The following ATP9B variants were observed in gnomAD, a reference collection of about 807,000 sequenced individuals.
ATP9B encodes the protein ATPase phospholipid transporting 9B.
Under a neutral mutation model 146.1 loss-of-function variants are expected in ATP9B, and 110 were observed. The observed-to-expected ratio is 0.75, with a 90% confidence interval of 0.65 to 0.88. ATP9B has a LOEUF of 0.88. Among genes scored for constraint, ATP9B ranks in the 40% least tolerant of loss-of-function variants. The pLI, the probability that ATP9B is intolerant of heterozygous loss-of-function variation, is 0.00. For missense variants in ATP9B, 1,499 were observed against 1,496.4 expected (o/e 1.00, Z -0.03); for synonymous variants, 604 against 569.7 (o/e 1.06, Z -0.86).
At chr18:79,200,949 G>A (rs2095481073) in intron 9 of ATP9B, among the ~76,000 whole-genome samples, 1 of 152,190 alleles carries the variant, frequency 6.6e-6, no homozygotes. Context: ...TGGCCTCTCA[G>A]GTGCAAGTGC....
intron 5 of ATP9B, among the ~76,000 whole-genome samples, chr18:79,132,548 T>G (rs1278493352): frequency 1.3e-5 from 2 of 152,234 alleles, no homozygotes; most frequent in Admixed American, 1.3e-4. Flanking sequence ...GGCACACTGC[T>G]TCATGGCTGG....
chr18:79,177,223 T>C (rs1178353008), intron 8 of ATP9B, among the ~76,000 whole-genome samples: 1 of 152,044 alleles, frequency 6.6e-6, no homozygotes, highest in African/African-American at 2.4e-5. Context: ...CTTAATGTCC[T>C]TTTCCTTTTT....
At chr18:79,301,956 C>G (rs2096593347) in intron 13 of ATP9B, among the ~76,000 whole-genome samples, 1 of 152,188 alleles carries the variant, frequency 6.6e-6, no homozygotes, top group Admixed American at 6.5e-5. Flanking sequence ...CAGCTGACCT[C>G]TTGAGTTCTG....
intron 15 of ATP9B, chr18:79,307,457 C>T: frequency 1.7e-6 from 1 of 586,350 alleles, no homozygotes. Flanking sequence ...CATCTCGGCA[C>T]ATCCCAGAAC....
intron 1 of ATP9B, 122 bp from the exon 2 acceptor site, chr18:79,096,354 T>A (rs1459666626): frequency 1.3e-5 from 12 of 953,164 alleles, no homozygotes; most frequent in Non-Finnish European, 1.7e-5. Context: ...TCTGCAGTCT[T>A]ATTTATAATG....
chr18:79,082,350 T>G (rs1037207856), intron 1 of ATP9B, among the ~76,000 whole-genome samples: 5 of 152,232 alleles, frequency 3.3e-5, no homozygotes, highest in African/African-American at 1.2e-4. Flanking sequence ...GGTTAGAACA[T>G]GCTTCTTTAG....
chr18:79,213,779 A>G (rs2095603925), intron 10 of ATP9B, among the ~76,000 whole-genome samples, 183 bp from the exon 11 acceptor site: 1 of 152,164 alleles, frequency 6.6e-6, no homozygotes, highest in South Asian at 2.1e-4. Flanking sequence ...GACTTTTTCA[A>G]AGTCCATTTT....
chr18:79,297,297 C>CGACCCAGAGAGGAGAAAGAGAGAT (rs2096558865), intron 13 of ATP9B, among the ~76,000 whole-genome samples: 3 of 145,674 alleles, frequency 2.1e-5, no homozygotes, highest in Non-Finnish European at 4.5e-5. Context: ...GAGACACAGA[C>CGACCCAGAGAGGAGAAAGAGAGAT]GACCCAGAGA....
intron 29 of ATP9B, chr18:79,376,368 T>G: frequency 1.0e-6 from 1 of 984,616 alleles, no homozygotes; most frequent in Non-Finnish European, 1.2e-6. Flanking sequence ...TGGTGTTTGG[T>G]GACATTAGTC....
At chr18:79,287,853 T>A (rs1272079106) in intron 13 of ATP9B, among the ~76,000 whole-genome samples, 1 of 149,746 alleles carries the variant, frequency 6.7e-6, no homozygotes, top group South Asian at 2.1e-4. Context: ...CATCTTTATT[T>A]CTGCCTTCAT....
At chr18:79,276,561 G>A (rs561244619) in intron 12 of ATP9B, among the ~76,000 whole-genome samples, 7 of 152,296 alleles carry the variant, frequency 4.6e-5, no homozygotes, top group African/African-American at 9.6e-5. Context: ...GGAGGACCCC[G>A]CCTGCTCCAT....
In ATP9B at chr18:79,114,554, G is replaced by C. The variant is rs367835919; in HGVS notation, c.558+1200G>C. ...CACAGTCAGGCTTTCCTGTTTACCT[G>C]TTAGTAAAGCCATGCTGAGGGAAAT... is the stretch of plus-strand genomic sequence containing the variant. On this transcript the variant is annotated intron_variant, in intron 4 of 29. Transcript: ENST00000426216. Among the ~76,000 whole-genome samples the C allele has an allele frequency of 7.2e-5, 11 of 152,288 alleles. No homozygotes were observed. The East Asian group carries it at 1.7e-3, about 24-fold the overall frequency.
At chr18:79,082,371 TTTG>T (rs1438794614) in intron 1 of ATP9B, among the ~76,000 whole-genome samples, 5 of 152,256 alleles carry the variant, frequency 3.3e-5, no homozygotes, top group African/African-American at 1.2e-4. Flanking sequence ...CTCGGAGGAG[TTTG>T]TTATTACCCA....
At chr18:79,144,811 C>T in intron 6 of ATP9B, 1 of 152,314 alleles carries the variant, frequency 6.6e-6, no homozygotes, top group Admixed American at 6.5e-5. Flanking sequence ...CCCGTGGATA[C>T]AGAGGGCCAG....
chr18:79,320,108 C>G (rs973895881), intron 15 of ATP9B, among the ~76,000 whole-genome samples: 1 of 152,216 alleles, frequency 6.6e-6, no homozygotes, highest in Admixed American at 6.5e-5. Flanking sequence ...GAATTCCACT[C>G]AGCTTTCCAC....
intron 13 of ATP9B, among the ~76,000 whole-genome samples, chr18:79,297,039 C>CAA (rs2096554922): frequency 7.2e-6 from 1 of 138,766 alleles, no homozygotes. Context: ...AGAGAGAAGA[C>CAA]AGAGAGATGA....
At chr18:79,221,070 A>G (rs1014356211) in intron 11 of ATP9B, among the ~76,000 whole-genome samples, 17 of 152,168 alleles carry the variant, frequency 1.1e-4, no homozygotes, top group African/African-American at 4.1e-4. Context: ...AGCAATTGAC[A>G]TTTTCCAATG....
At chr18:79,299,786 A>G (rs924476739) in intron 13 of ATP9B, 1 of 152,236 alleles carries the variant, frequency 6.6e-6, no homozygotes, top group Admixed American at 6.5e-5. Flanking sequence ...CCCAAGCTCA[A>G]TGAGTAGTGA....
At chr18:79,118,461 C>T (rs1256979826) in intron 4 of ATP9B, among the ~76,000 whole-genome samples, 47 of 122,714 alleles carry the variant, frequency 3.8e-4, no homozygotes, top group African/African-American at 1.2e-3. Context: ...AGTGCAGTGG[C>T]GCGATCTCGG....
Sources: allele counts gnomAD v4.1 joint callset (sites outside exome capture counted in the v4.1 genomes callset), GRCh38; gene constraint gnomAD v4.1.1; transcripts MANE v1.5; gene names NCBI Gene and HGNC (gene_info 2026-07-23, HGNC 2026-07-21).